Variants in GNA13 observed in about 807,000 individuals in gnomAD.
GNA13 encodes guanine nucleotide-binding protein subunit alpha-13.
In GNA13, 4 loss-of-function variants were observed where a neutral mutation model predicts 33.5. That is an observed-to-expected ratio of 0.12 (90% CI 0.06 to 0.27). The LOEUF is 0.27. Ranked by LOEUF, GNA13 falls within the 10% of genes least tolerant of loss-of-function variation. GNA13 has a pLI of 1.00. For synonymous variants in GNA13, 176 were observed against 183.8 expected (o/e 0.96, Z 0.34); for missense variants, 319 against 487.2 (o/e 0.65, Z 3.25).
At chr17:65,026,289 C>T (rs988265656) in intron 2 of GNA13, among the ~76,000 whole-genome samples, 12 of 151,910 alleles carry the variant, frequency 7.9e-5, no homozygotes, top group Admixed American at 7.9e-4. Flanking sequence ...CTACACTATC[C>T]CTCTGAGTCA....
chr17:65,023,483 T>C (rs138301877), intron 2 of GNA13, among the ~76,000 whole-genome samples: 30 of 152,348 alleles, frequency 2.0e-4, no homozygotes, highest in Non-Finnish European at 2.8e-4. Context: ...TTAACCACTA[T>C]TGTTGAACGC....
At chr17:65,027,875 TG>T (rs1206483113) in intron 2 of GNA13, among the ~76,000 whole-genome samples, 4 of 152,024 alleles carry the variant, frequency 2.6e-5, no homozygotes, top group African/African-American at 9.7e-5. Context: ...GAGGTCAAGG[TG>T]GGCAGATTAC....
intron 2 of GNA13, among the ~76,000 whole-genome samples, chr17:65,046,000 GTCTAT>G (rs1284493637): frequency 6.6e-6 from 1 of 152,150 alleles, no homozygotes; most frequent in African/African-American, 2.4e-5. Flanking sequence ...GGACTGCGGT[GTCTAT>G]TCTATTATTA....
At chr17:65,022,987 A>G (rs549372360) in intron 2 of GNA13, among the ~76,000 whole-genome samples, 1 of 152,366 alleles carries the variant, frequency 6.6e-6, no homozygotes, top group Non-Finnish European at 1.5e-5. Context: ...TATTACCACA[A>G]TGCTCAGTTG....
intron 2 of GNA13, among the ~76,000 whole-genome samples, chr17:65,040,695 C>T (rs759714953): frequency 6.6e-6 from 1 of 152,060 alleles, no homozygotes; most frequent in Non-Finnish European, 1.5e-5. Flanking sequence ...GTTTCACCAT[C>T]TTCGCCAGGA....
Position 65,012,047 on chromosome 17 carries a change from T to G in GNA13, c.*2210A>C. 4.4e-6 allele frequency: 1 copy of G among 228,874 alleles called. No homozygotes were observed. Among genetic ancestry groups the G allele is most frequent in the Non-Finnish European group, 8.7e-6 (1 of 115,320 alleles). 14.2% of individuals were successfully genotyped at this position (228,874 alleles called of 1,614,324 possible). On this transcript the variant is annotated 3_prime_UTR_variant, in exon 4 of 4. Coordinates refer to ENST00000439174, the MANE Select transcript of GNA13 (RefSeq NM_006572.6). The stretch of plus-strand genomic sequence containing the variant: ...AGTCTAGATTTTAAAAGAATGTTGA[T>G]TCTGAGACATTACATGCAGCAGGGA...
At chr17:65,037,777 GGAAAAA>G (rs1292320187) in intron 2 of GNA13, among the ~76,000 whole-genome samples, 12 of 82,062 alleles carry the variant, frequency 1.5e-4, no homozygotes, top group South Asian at 1.0e-3. Context: ...CTACAAAAAT[GGAAAAA>G]AAAAAAAAAA....
intron 2 of GNA13, among the ~76,000 whole-genome samples, chr17:65,029,633 C>T (rs1007524033): frequency 2.0e-5 from 3 of 152,026 alleles, no homozygotes; most frequent in Non-Finnish European, 4.4e-5. Flanking sequence ...GTTTATACCA[C>T]TCATGGCACT....
chr17:65,043,799 T>C (rs984908174), intron 2 of GNA13, among the ~76,000 whole-genome samples: 11 of 152,050 alleles, frequency 7.2e-5, no homozygotes, highest in Non-Finnish European at 1.5e-4. Flanking sequence ...TAGATGGGGA[T>C]GAAAAAGTTT....
intron 2 of GNA13, among the ~76,000 whole-genome samples, chr17:65,020,903 G>A (rs570617093): frequency 1.3e-5 from 2 of 152,070 alleles, no homozygotes; most frequent in East Asian, 1.9e-4. Context: ...CACCCGTCTC[G>A]GCCTCCCAAA....
rs1384003975 is a variant in GNA13, at chr17:65,053,520, C to T, written c.492G>A (p.Arg164=). 6.2e-7 allele frequency: 1 copy of T among 1,605,218 alleles called. No homozygotes were observed. The highest frequency in any genetic ancestry group is 8.5e-7 in the Non-Finnish European group (1 of 1,172,032). Residue 164 remains arginine, a synonymous_variant, in exon 2 of 4, where the codon CGG becomes CGA. Coordinates refer to ENST00000439174, the MANE Select transcript of GNA13 (RefSeq NM_006572.6). ...CTCTTACCAGTTGAAATTCTCGACG[C>T]CGGTCATAGGCATTCTGTATGCCGC... is the stretch of plus-strand genomic sequence containing the variant. ...ADSGIQNAYD[R]RREFQLGESV...
At chr17:65,045,009 C>T (rs1567826430) in intron 2 of GNA13, among the ~76,000 whole-genome samples, 1 of 147,620 alleles carries the variant, frequency 6.8e-6, no homozygotes, top group African/African-American at 2.5e-5. Flanking sequence ...CGCCACTGCA[C>T]TCTAGCGTGG....
chr17:65,023,255 G>A (rs1906651110), intron 2 of GNA13, among the ~76,000 whole-genome samples: 1 of 152,324 alleles, frequency 6.6e-6, no homozygotes, highest in South Asian at 2.1e-4. Flanking sequence ...TGTACCTTGT[G>A]GGAAACACAT....
intron 2 of GNA13, among the ~76,000 whole-genome samples, chr17:65,018,677 T>A (rs999914271): frequency 6.6e-6 from 1 of 152,206 alleles, no homozygotes; most frequent in African/African-American, 2.4e-5. Context: ...GACAGTCTTT[T>A]TGTCTACATT....
At chr17:65,048,576 C>T (rs1309641024) in intron 2 of GNA13, among the ~76,000 whole-genome samples, 1 of 152,060 alleles carries the variant, frequency 6.6e-6, no homozygotes, top group Non-Finnish European at 1.5e-5. Flanking sequence ...TTTTTCTTTT[C>T]CACAGTAAGC....
intron 2 of GNA13, among the ~76,000 whole-genome samples, chr17:65,019,730 TA>T (rs1195745069): frequency 6.6e-6 from 1 of 152,120 alleles, no homozygotes; most frequent in East Asian, 1.9e-4. Flanking sequence ...AAAAGATAGT[TA>T]AAGTGAATGA....
chr17:65,056,283 C>T (rs754833698), intron 1 of GNA13, 28 bp downstream of exon 1: 8 of 839,064 alleles, frequency 9.5e-6, no homozygotes, highest in Admixed American at 4.0e-5. Flanking sequence ...CTGCCCTTAA[C>T]CCCCGGCCCC....
rs533239233 is a variant in GNA13 at position 65,014,758 on chromosome 17, A to G, written c.633T>C (p.Phe211=). The change falls in exon 4 of 4, where the codon TTT becomes TTC. Residue 211 remains phenylalanine (F), a synonymous_variant. Coordinates refer to ENST00000439174, the MANE Select transcript of GNA13 (RefSeq NM_006572.6). This position sits in a 1 kb window ranked among gnomAD's most constrained non-coding sequence, Gnocchi z 5.3. The part of the protein sequence containing the change: ...RPTKGIHEYD[F]EIKNVPFKMV... ...TTTTGAAAGGAACATTTTTTATTTC[A>G]AAGTCGTATTCATGGATGCCTTTGG... 2 of 1,613,826 alleles carry G rather than the reference A, an allele frequency of 1.2e-6. No homozygotes were observed. The highest frequency in any genetic ancestry group is 2.7e-5 in the African/African-American group (2 of 75,032).
intron 2 of GNA13, among the ~76,000 whole-genome samples, chr17:65,038,329 G>A (rs1005673001): frequency 6.6e-6 from 1 of 152,014 alleles, no homozygotes; most frequent in Admixed American, 6.5e-5. Flanking sequence ...CTTGAAGCTC[G>A]GAGGCGGAGG....
Sources: allele counts gnomAD v4.1 joint callset (sites outside exome capture counted in the v4.1 genomes callset), GRCh38; gene constraint gnomAD v4.1.1; non-coding constraint Gnocchi (gnomAD v3.1); transcripts MANE v1.5; gene names NCBI Gene and HGNC (gene_info 2026-07-23, HGNC 2026-07-21).